PTPRD: variants seen among roughly 807,000 people sequenced by gnomAD.
PTPRD encodes the protein receptor-type tyrosine-protein phosphatase delta.
In PTPRD, 34 loss-of-function variants were observed where a neutral mutation model predicts 214.5. The ratio of observed to expected loss-of-function variants is 0.16; its 90% CI spans 0.12 to 0.21. PTPRD has a LOEUF of 0.21. Among genes scored for constraint, PTPRD ranks in the 10% least tolerant of loss-of-function variants. The pLI is 1.00. For missense variants in PTPRD, 2,545 were observed against 2,398.7 expected, an observed-to-expected ratio of 1.06 and a Z score of -1.27; for synonymous variants, 1,128 against 845.7, an observed-to-expected ratio of 1.33 and a Z score of -5.79.
chr9:9,902,216 T>A (rs1487950473), intron 5 of PTPRD, among the ~76,000 whole-genome samples: 2 of 152,180 alleles, frequency 1.3e-5, no homozygotes, highest in Non-Finnish European at 2.9e-5. Context: ...CATGCATGAA[T>A]GTCTGTGCTC....
At chr9:8,337,146 C>T (rs1287260495) in intron 43 of PTPRD, among the ~76,000 whole-genome samples, 1 of 152,122 alleles carries the variant, frequency 6.6e-6, no homozygotes, top group Non-Finnish European at 1.5e-5. Flanking sequence ...GACACATGCA[C>T]ACGTATGTTT....
chr9:8,716,113 G>A (rs901965991), intron 12 of PTPRD, among the ~76,000 whole-genome samples: 4 of 152,146 alleles, frequency 2.6e-5, no homozygotes, highest in South Asian at 2.1e-4. Flanking sequence ...TGCGAAAACC[G>A]CAATTACCTT....
At chr9:10,434,420 T>G (rs1193717141) in intron 2 of PTPRD, among the ~76,000 whole-genome samples, 1 of 151,934 alleles carries the variant, frequency 6.6e-6, no homozygotes, top group Non-Finnish European at 1.5e-5. Context: ...ATGTTAAATA[T>G]TCTAAATTAG....
intron 2 of PTPRD, among the ~76,000 whole-genome samples, chr9:10,563,529 T>G (rs952494081): frequency 6.6e-6 from 1 of 152,196 alleles, no homozygotes; most frequent in African/African-American, 2.4e-5. Flanking sequence ...CTTTCCAACT[T>G]TTATCATAAA....
chr9:10,060,012 T>C (rs749623138), intron 3 of PTPRD, among the ~76,000 whole-genome samples: 4 of 152,080 alleles, frequency 2.6e-5, no homozygotes, highest in Non-Finnish European at 4.4e-5. Flanking sequence ...TATCAACCAA[T>C]GAAAAAATCT....
intron 9 of PTPRD, among the ~76,000 whole-genome samples, chr9:9,347,179 A>G (rs2049171588): frequency 1.3e-5 from 2 of 152,016 alleles, no homozygotes; most frequent in Non-Finnish European, 2.9e-5. Context: ...AAACAAACAT[A>G]AGCCTCTTCA....
At chr9:9,787,389 C>G (rs1458688486) in intron 5 of PTPRD, among the ~76,000 whole-genome samples, 1 of 134,396 alleles carries the variant, frequency 7.4e-6, no homozygotes, top group African/African-American at 2.9e-5. Context: ...AAATATGTAT[C>G]AAGATTCAGG....
At chr9:9,819,801 C>G (rs2153569162) in intron 5 of PTPRD, among the ~76,000 whole-genome samples, 1 of 152,254 alleles carries the variant, frequency 6.6e-6, no homozygotes, top group South Asian at 2.1e-4. Flanking sequence ...TCCAGCACAG[C>G]CATGTTGCTG....
chr9:10,212,642 C>A (rs962706280), intron 3 of PTPRD, among the ~76,000 whole-genome samples: 2 of 152,072 alleles, frequency 1.3e-5, no homozygotes, highest in African/African-American at 4.8e-5. Flanking sequence ...TTTGTCATCC[C>A]TAATCATTCT....
intron 10 of PTPRD, among the ~76,000 whole-genome samples, chr9:9,053,444 C>T (rs1282682777): frequency 3.3e-5 from 5 of 151,982 alleles, no homozygotes; most frequent in Admixed American, 3.3e-4. Context: ...ACAAATAACC[C>T]ATCACGGTTG....
At chr9:8,738,009 T>C (rs932960002) in intron 11 of PTPRD, among the ~76,000 whole-genome samples, 6 of 152,080 alleles carry the variant, frequency 3.9e-5, no homozygotes, top group Non-Finnish European at 7.4e-5. Context: ...GAATCTAAAA[T>C]ACAATTTCAA....
At chr9:9,012,085 A>G (rs753677835) in intron 11 of PTPRD, among the ~76,000 whole-genome samples, 6 of 152,154 alleles carry the variant, frequency 3.9e-5, no homozygotes, top group Non-Finnish European at 7.4e-5. Flanking sequence ...GAGAGGGCCT[A>G]TGGAAAAAGC....
Position 10,441,970 on chromosome 9 carries a change from A to G in PTPRD, c.-599-100953T>C, listed in dbSNP as rs568055282. Among the ~76,000 whole-genome samples, 13 of 151,736 alleles carry G rather than the reference A, an allele frequency of 8.6e-5. No individual in the cohort carries two copies. In the East Asian group the frequency reaches 2.5e-3, roughly 29 times the overall value. The stretch of plus-strand genomic sequence containing the variant: ...CACATCATGTCTGATGACTAAAAAA[A>G]CTGGAGAAAAAAGTTGAAAAATTTT... On this transcript the variant is annotated intron_variant, in intron 2 of 45. Transcript: ENST00000381196.
At chr9:10,611,265 G>T (rs1230611896) in intron 2 of PTPRD, among the ~76,000 whole-genome samples, 2 of 152,052 alleles carry the variant, frequency 1.3e-5, no homozygotes, top group African/African-American at 4.8e-5. Flanking sequence ...TTAAAAATCA[G>T]GTCTGTTTTG....
intron 14 of PTPRD, among the ~76,000 whole-genome samples, chr9:8,532,657 T>G (rs573492642): frequency 6.6e-6 from 1 of 152,080 alleles, no homozygotes; most frequent in Admixed American, 6.6e-5. Context: ...TATTCAATCA[T>G]GCAGAATTAG....
chr9:8,610,497 G>A (rs1288722574), intron 14 of PTPRD, among the ~76,000 whole-genome samples: 5 of 152,108 alleles, frequency 3.3e-5, no homozygotes, highest in Non-Finnish European at 1.5e-5. Context: ...ATAGATACCT[G>A]AATCCAAACT....
chr9:8,722,160 T>TGTGTGTGTGTGTGTGTGC (rs1015268099), intron 12 of PTPRD, among the ~76,000 whole-genome samples: 4 of 146,306 alleles, frequency 2.7e-5, no homozygotes, highest in Admixed American at 2.7e-4. Flanking sequence ...TGTGTGTGTG[T>TGTGTGTGTGTGTGTGTGC]GTGTGTACAG....
intron 9 of PTPRD, among the ~76,000 whole-genome samples, chr9:9,299,714 C>A (rs1365787572): frequency 4.0e-5 from 6 of 151,284 alleles, no homozygotes; most frequent in Non-Finnish European, 5.9e-5. Context: ...TTGGTGTGAT[C>A]TTATTATTTT....
At chr9:8,959,258 A>G (rs558301240) in intron 11 of PTPRD, among the ~76,000 whole-genome samples, 1 of 152,134 alleles carries the variant, frequency 6.6e-6, no homozygotes, top group South Asian at 2.1e-4. Context: ...AGTGTTTGGA[A>G]GGACAGCAGG....
Sources: gnomAD v4.1 joint callset for allele counts (sites outside exome capture counted in the v4.1 genomes callset) on GRCh38, gnomAD v4.1.1 for gene constraint, MANE v1.5 for transcripts, NCBI Gene and HGNC (gene_info 2026-07-23, HGNC 2026-07-21) for gene names.